CTNNA3: variants seen among roughly 807,000 people sequenced by gnomAD.
The protein encoded by CTNNA3 is catenin alpha 3, also known as catenin alpha-3.
In CTNNA3, 76 loss-of-function variants were observed where a neutral mutation model predicts 95.7. The observed-to-expected ratio is 0.79, with a 90% CI of 0.66 to 0.96. CTNNA3 has a LOEUF of 0.96. CTNNA3 is among the 40% of genes least tolerant of loss of function. CTNNA3 has a pLI of 0.00. For synonymous variants in CTNNA3, 431 were observed against 374.4 expected, an observed-to-expected ratio of 1.15 and a Z score of -1.74; for missense variants, 1,191 against 1,089.8, an observed-to-expected ratio of 1.09 and a Z score of -1.31.
chr10:66,402,267 A>G (rs1313499174), intron 11 of CTNNA3, among the ~76,000 whole-genome samples: 2 of 152,154 alleles, frequency 1.3e-5, no homozygotes, highest in Non-Finnish European at 2.9e-5. Flanking sequence ...AGAACCATTG[A>G]TTAGATGCAT....
chr10:66,651,536 G>A (rs116754442), intron 9 of CTNNA3, among the ~76,000 whole-genome samples: 23 of 151,956 alleles, frequency 1.5e-4, no homozygotes, highest in African/African-American at 4.4e-4. Flanking sequence ...GGGGAGGCTC[G>A]GGCCTTGCGT....
chr10:66,669,266 G>A (rs371614074), intron 9 of CTNNA3, among the ~76,000 whole-genome samples: 8 of 152,122 alleles, frequency 5.3e-5, no homozygotes, highest in African/African-American at 1.2e-4. Flanking sequence ...AAAGTTGCCC[G>A]AGCGTGGTGG....
intron 15 of CTNNA3, among the ~76,000 whole-genome samples, chr10:65,998,637 G>C (rs1430782298): frequency 6.6e-6 from 1 of 152,104 alleles, no homozygotes; most frequent in African/African-American, 2.4e-5. Flanking sequence ...GTTAGAGTGA[G>C]AAAAGAAAAA....
intron 3 of CTNNA3, among the ~76,000 whole-genome samples, chr10:67,585,532 G>A (rs1842595981): frequency 6.6e-6 from 1 of 151,984 alleles, no homozygotes; most frequent in Admixed American, 6.6e-5. Flanking sequence ...GTCTGTTTAG[G>A]TTTTCTATTC....
intron 1 of CTNNA3, among the ~76,000 whole-genome samples, chr10:67,651,129 T>TA (rs537351437): frequency 2.6e-4 from 38 of 146,448 alleles, no homozygotes; most frequent in East Asian, 2.2e-3. Context: ...ATATTTAATT[T>TA]AAAAAAAAAA....
chr10:66,512,711 T>G (rs943934468), intron 11 of CTNNA3, among the ~76,000 whole-genome samples: 1 of 152,112 alleles, frequency 6.6e-6, no homozygotes, highest in Non-Finnish European at 1.5e-5. Context: ...ATTCCCTCAG[T>G]CTTTGTATGT....
intron 11 of CTNNA3, among the ~76,000 whole-genome samples, chr10:66,446,116 T>G (rs1270043701): frequency 2.6e-5 from 4 of 152,074 alleles, no homozygotes; most frequent in African/African-American, 9.7e-5. Context: ...CTCCCAAGAC[T>G]AAACCAGGAA....
At chr10:67,670,708 G>A (rs1221740268) in intron 1 of CTNNA3, among the ~76,000 whole-genome samples, 1 of 152,122 alleles carries the variant, frequency 6.6e-6, no homozygotes, top group Non-Finnish European at 1.5e-5. Context: ...CTAACTGGTG[G>A]ACTAGTCTAT....
chr10:66,410,329 A>T (rs1294091452), intron 11 of CTNNA3, among the ~76,000 whole-genome samples: 1 of 152,068 alleles, frequency 6.6e-6, no homozygotes, highest in East Asian at 1.9e-4. Flanking sequence ...AGAAACACTC[A>T]CTCTCTTCCC....
At chr10:66,627,269 C>A (rs935164957) in intron 9 of CTNNA3, among the ~76,000 whole-genome samples, 5 of 152,064 alleles carry the variant, frequency 3.3e-5, no homozygotes, top group African/African-American at 1.2e-4. Flanking sequence ...TGATTTCCCT[C>A]GGAGAACAGT....
chr10:67,225,001 C>T (rs908360729), intron 5 of CTNNA3, among the ~76,000 whole-genome samples: 2 of 152,160 alleles, frequency 1.3e-5, no homozygotes, highest in African/African-American at 4.8e-5. Context: ...CCAGCTTGCC[C>T]ACCACCTGGA....
At chr10:66,875,103 G>A (rs1455825503) in intron 7 of CTNNA3, among the ~76,000 whole-genome samples, 3 of 152,236 alleles carry the variant, frequency 2.0e-5, no homozygotes, top group Non-Finnish European at 2.9e-5. Context: ...TGCTGATGAC[G>A]AATTTGGAAG....
chr10:67,102,260 G>T (rs1444395192), intron 7 of CTNNA3, among the ~76,000 whole-genome samples: 1 of 151,618 alleles, frequency 6.6e-6, no homozygotes. Flanking sequence ...TACCCCAAAG[G>T]TAGGGTACCT....
At chr10:66,993,869 T>C (rs1273444323) in intron 7 of CTNNA3, among the ~76,000 whole-genome samples, 1 of 152,202 alleles carries the variant, frequency 6.6e-6, no homozygotes, top group Non-Finnish European at 1.5e-5. Flanking sequence ...TTTCTTCTTA[T>C]CCGATTTATT....
chr10:67,012,442 C>T (rs748197928), intron 7 of CTNNA3: 6 of 152,118 alleles, frequency 3.9e-5, no homozygotes, highest in Non-Finnish European at 7.4e-5. Flanking sequence ...ATTGTTATAG[C>T]TCACAATTGT....
chr10:66,856,579 T>C (rs1364246159), intron 7 of CTNNA3, among the ~76,000 whole-genome samples: 1 of 152,038 alleles, frequency 6.6e-6, no homozygotes, highest in East Asian at 1.9e-4. Context: ...GTTATTTTTT[T>C]ACTTTTTAAA....
chr10:67,340,369 T>G (rs887404678), intron 5 of CTNNA3, among the ~76,000 whole-genome samples: 1 of 152,216 alleles, frequency 6.6e-6, no homozygotes, highest in Non-Finnish European at 1.5e-5. Flanking sequence ...CTTGTGAAAT[T>G]TATCTGGTCT....
chr10:66,232,466 T>G (rs2089634249), intron 13 of CTNNA3, among the ~76,000 whole-genome samples: 1 of 152,048 alleles, frequency 6.6e-6, no homozygotes, highest in African/African-American at 2.4e-5. Context: ...TAATACAATT[T>G]TGATTCAATA....
chr10:66,092,786 T>C (rs1290254512), intron 14 of CTNNA3, among the ~76,000 whole-genome samples: 4 of 151,960 alleles, frequency 2.6e-5, no homozygotes, highest in Non-Finnish European at 2.9e-5. Flanking sequence ...AGATTTAGGC[T>C]TAAATCACAG....
Sources: allele counts gnomAD v4.1 joint callset (sites outside exome capture counted in the v4.1 genomes callset), GRCh38; gene constraint gnomAD v4.1.1; transcripts MANE v1.5; gene names NCBI Gene and HGNC (gene_info 2026-07-23, HGNC 2026-07-21).